The following AR variants were observed in gnomAD, a reference collection of about 807,000 sequenced individuals.
AR encodes the protein dihydrotestosterone receptor.
A neutral mutation model predicts 53.9 loss-of-function variants in AR; 8 were observed. The ratio of observed to expected loss-of-function variants is 0.15; its 90% CI spans 0.09 to 0.27. The LOEUF is 0.27. Ranked by LOEUF, AR falls within the 10% of genes least tolerant of loss-of-function variation. The pLI, the probability that AR is intolerant of heterozygous loss-of-function variation, is 1.00. For synonymous variants in AR, 359 were observed against 316.4 expected (o/e 1.13, Z -1.43); for missense variants, 639 against 742.5 (o/e 0.86, Z 1.62).
intron 3 of AR, among the ~76,000 whole-genome samples, chrX:67,688,580 G>A (rs1018269043): frequency 9.0e-6 from 1 of 111,290 alleles, no homozygotes; most frequent in Admixed American, 9.6e-5. Context: ...GCAGAGAATC[G>A]CCAGAAAACA....
chrX:67,714,767 A>G (rs1366535117), intron 4 of AR, among the ~76,000 whole-genome samples: 7 of 111,755 alleles, frequency 6.3e-5, no homozygotes, highest in South Asian at 3.8e-4. Context: ...ACTTAAGGAA[A>G]TCTGTAGGGT....
intron 1 of AR, among the ~76,000 whole-genome samples, chrX:67,632,117 G>T (rs1480247101): frequency 1.8e-5 from 2 of 112,910 alleles, no homozygotes; most frequent in African/African-American, 6.4e-5. Context: ...GCCCCCAGAG[G>T]TGAAGCCTAT....
At chrX:67,630,527 G>A (rs1353196430) in intron 1 of AR, among the ~76,000 whole-genome samples, 85 of 110,706 alleles carry the variant, frequency 7.7e-4, no homozygotes, top group African/African-American at 2.4e-3. Context: ...TTGAGCCTAT[G>A]TGTGTCTCTG....
intron 2 of AR, among the ~76,000 whole-genome samples, chrX:67,667,203 A>G (rs1410411578): frequency 8.9e-6 from 1 of 111,849 alleles, no homozygotes; most frequent in African/African-American, 3.3e-5. Context: ...TCTTAGATTT[A>G]AGTCTTTAAT....
At chrX:67,721,171 C>T (rs915432813) in intron 5 of AR, among the ~76,000 whole-genome samples, 1 of 111,977 alleles carries the variant, frequency 8.9e-6, no homozygotes, top group African/African-American at 3.3e-5. Flanking sequence ...AATGGGCTCC[C>T]CTTCAGCAGG....
chrX:67,628,994 A>G (rs1924883708), intron 1 of AR, among the ~76,000 whole-genome samples: 1 of 111,518 alleles, frequency 9.0e-6, no homozygotes. Flanking sequence ...AGCCCACTTG[A>G]TCATGGTGGA....
At chrX:67,617,694 T>C (rs965432744) in intron 1 of AR, among the ~76,000 whole-genome samples, 1 of 111,495 alleles carries the variant, frequency 9.0e-6, no homozygotes, top group African/African-American at 3.3e-5. Flanking sequence ...TCCACAAATA[T>C]GGGTTTTATA....
Position 67,724,091 on chromosome X carries a change from CCTAT to C in AR, c.*253_*256del, listed in dbSNP as rs2076148669. On this transcript the variant is annotated 3_prime_UTR_variant, in exon 8 of 8. Coordinates refer to ENST00000374690, the MANE Select transcript of AR (RefSeq NM_000044.6). ...TCAGACTTTGCTTCCCATTGTGGCT[CCTAT>C]CTGTGTTTTGAATGGTGTTGTATGC... 2.5e-6 allele frequency: 1 copy of C among 405,986 alleles called. No individual in the cohort carries two copies. The highest frequency in any genetic ancestry group is 4.3e-6 in the Non-Finnish European group (1 of 233,115). 33.5% of individuals were successfully genotyped at this position (405,986 alleles called of 1,213,427 possible).
Position 67,722,878 on chromosome X carries a change from A to G in AR, c.2501A>G (p.Asn834Ser), listed in dbSNP as rs1602279413. ...AAATTCTTTGATGAACTTCGAATGA[A>G]CTACATCAAGGAACTCGATCGTATC... is the stretch of plus-strand genomic sequence containing the variant. The part of the protein sequence containing the change: ...NQKFFDELRM[N>S]YIKELDRIIA... The change falls in exon 7 of 8, where the codon AAC (asparagine) becomes AGC (serine). Residue 834 changes from asparagine to serine, a missense_variant. By Grantham distance (46) the Asn-to-Ser change is conservative. This residue lies in a region of AR where 95 missense variants were observed against 196.4 expected (regional missense o/e 0.48). Transcript: ENST00000374690. 1 of 1,209,320 alleles carries G rather than the reference A, an allele frequency of 8.3e-7. No individual in the cohort carries two copies. Among genetic ancestry groups the G allele is most frequent in the African/African-American group, 1.8e-5 (1 of 57,003 alleles).
intron 2 of AR, among the ~76,000 whole-genome samples, chrX:67,684,508 T>C (rs1340053470): frequency 1.8e-5 from 2 of 110,944 alleles, no homozygotes; most frequent in Non-Finnish European, 3.8e-5. Context: ...TCCCTGGAAC[T>C]CCTCCTTGGA....
rs2147540892 is a variant in AR, at chrX:67,723,837, A to T, written c.2759A>T (p.Gln920Leu). The T allele has an allele frequency of 8.3e-7, 1 of 1,210,021 alleles. No individual in the cohort carries two copies. Among genetic ancestry groups the T allele is most frequent in the Non-Finnish European group, 1.1e-6 (1 of 895,248 alleles). ...GKVKPIYFHT[Q>L] The stretch of plus-strand genomic sequence containing the variant: ...GTCAAGCCCATCTATTTCCACACCC[A>T]GTGAAGCATTGGAAACCCTATTTCC... Residue 920 changes from glutamine (Q) to leucine (L), a missense_variant, in exon 8 of 8, where the codon CAG becomes CTG. Gln to Leu is a moderately radical substitution (Grantham distance 113). Around this residue, in one of 5 missense-constraint regions of AR, gnomAD observed 95 missense variants for 196.4 expected, o/e 0.48. Transcript: ENST00000374690.
intron 2 of AR, among the ~76,000 whole-genome samples, chrX:67,653,002 G>T (rs1380323624): frequency 9.0e-6 from 1 of 111,505 alleles, no homozygotes; most frequent in African/African-American, 3.3e-5. Flanking sequence ...CTTTGGTAAG[G>T]ATTTTATAGA....
At chrX:67,627,393 A>C (rs1318604021) in intron 1 of AR, among the ~76,000 whole-genome samples, 1 of 111,768 alleles carries the variant, frequency 8.9e-6, no homozygotes, top group Non-Finnish European at 1.9e-5. Context: ...GATGGTGAGC[A>C]TTTTTTCATG....
chrX:67,653,206 T>A (rs1926429348), intron 2 of AR, among the ~76,000 whole-genome samples: 1 of 112,118 alleles, frequency 8.9e-6, no homozygotes. Context: ...TTGTAGTCAT[T>A]TTCTTATTCA....
intron 1 of AR, among the ~76,000 whole-genome samples, chrX:67,629,830 A>G (rs1924962687): frequency 9.0e-6 from 1 of 110,931 alleles, no homozygotes; most frequent in African/African-American, 3.3e-5. Context: ...AGATTCTGGT[A>G]TGTTGTGTCT....
intron 3 of AR, chrX:67,689,431 T>G (rs1019076284): frequency 3.0e-5 from 11 of 368,267 alleles, no homozygotes; most frequent in Non-Finnish European, 4.2e-5. Flanking sequence ...TTAATCTGGC[T>G]TTCTCTATAG....
chrX:67,640,853 T>G (rs982878978), intron 1 of AR, among the ~76,000 whole-genome samples: 1 of 111,776 alleles, frequency 8.9e-6, no homozygotes, highest in Admixed American at 9.6e-5. Flanking sequence ...ATTTGTGTCT[T>G]TCAAATAATA....
chrX:67,575,523 G>T (rs1922008746), intron 1 of AR, among the ~76,000 whole-genome samples: 2 of 111,601 alleles, frequency 1.8e-5, no homozygotes, highest in African/African-American at 6.5e-5. Flanking sequence ...AGCATTAAAA[G>T]AAATAGTGCT....
chrX:67,628,084 T>G (rs1054496231), intron 1 of AR, among the ~76,000 whole-genome samples: 16 of 111,530 alleles, frequency 1.4e-4, no homozygotes, highest in East Asian at 5.6e-4. Context: ...GCCTCCAGCT[T>G]TGTTCTTTTG....
Sources: allele counts gnomAD v4.1 joint callset (sites outside exome capture counted in the v4.1 genomes callset), GRCh38; gene constraint gnomAD v4.1.1; regional missense constraint gnomAD v4.1.1; transcripts MANE v1.5; gene names NCBI Gene and HGNC (gene_info 2026-07-23, HGNC 2026-07-21).